Variants in MAP2 observed in about 807,000 individuals in gnomAD.
MAP2 encodes the protein microtubule-associated protein 2.
A neutral mutation model predicts 137.6 loss-of-function variants in MAP2; 14 were observed. That is an observed-to-expected ratio of 0.10 (90% CI 0.07 to 0.16). MAP2 has a LOEUF of 0.16. MAP2 is among the 10% of genes least tolerant of loss of function. MAP2 has a pLI of 1.00. For missense variants in MAP2, 2,088 were observed against 2,191.5 expected, an observed-to-expected ratio of 0.95 and a Z score of 0.94; for synonymous variants, 786 against 782.3, an observed-to-expected ratio of 1.00 and a Z score of -0.08.
intron 13 of MAP2, among the ~76,000 whole-genome samples, chr2:209,712,401 G>T (rs1377223296): frequency 6.6e-6 from 1 of 152,080 alleles, no homozygotes; most frequent in East Asian, 1.9e-4. Flanking sequence ...GTCATTTGAA[G>T]CAAATATGTT....
rs776904106 is a variant in MAP2 at position 209,709,929 on chromosome 2, G to A, written c.4748G>A (p.Arg1583His). 10 of 1,612,868 alleles carry A rather than the reference G, an allele frequency of 6.2e-6. No individual in the cohort carries two copies. The highest frequency in any genetic ancestry group is 3.3e-5 in the Admixed American group (2 of 59,916). The change falls in exon 13 of 16, where the codon CGC becomes CAC. Residue 1583 changes from arginine (R) to histidine (H), a missense_variant. By Grantham distance (29) the Arg-to-His change is conservative. Transcript: ENST00000682079. ...ARRTTRSEPI[R>H]RAGKSGTSTP... ...GTTAATACAGGGTCAGAGCCAATTC[G>A]CAGAGCAGGGAAGAGTGGTACCTCA...
chr2:209,690,477 A>C (rs775657513), intron 7 of MAP2: 1 of 649,996 alleles, frequency 1.5e-6, no homozygotes, highest in Non-Finnish European at 2.2e-6. Flanking sequence ...CAATGGTAAA[A>C]TAAAAAAACA....
In MAP2 at chr2:209,733,400, G is replaced by A. The variant is rs1442047401; in HGVS notation, c.*3003G>A. The A allele has an allele frequency of 6.6e-6, 1 of 152,436 alleles. No homozygotes were observed. The highest frequency in any genetic ancestry group is 1.5e-5 in the Non-Finnish European group (1 of 68,062). 9.4% of individuals were successfully genotyped at this position (152,436 alleles called of 1,614,324 possible). On this transcript the variant is annotated 3_prime_UTR_variant, in exon 16 of 16. Transcript: ENST00000682079. ...GTGTAACACCAGCTAGGTACGGCTG[G>A]AGAAGGCTGAAGAGAGAATGCCATT...
At chr2:209,463,524 T>C (rs2149619301) in intron 1 of MAP2, among the ~76,000 whole-genome samples, 1 of 152,292 alleles carries the variant, frequency 6.6e-6, no homozygotes, top group African/African-American at 2.4e-5. Flanking sequence ...TTTGTAAAAG[T>C]TGAAATCAAG....
At chr2:209,461,564 T>C (rs1321189040) in intron 1 of MAP2, among the ~76,000 whole-genome samples, 2 of 152,104 alleles carry the variant, frequency 1.3e-5, no homozygotes, top group African/African-American at 2.4e-5. Flanking sequence ...CAAGCTATTC[T>C]CCTGCCTCAG....
chr2:209,693,355 C>A lies in MAP2; in HGVS notation c.1185C>A (p.His395Gln), dbSNP rs2059427250. 2 of 1,612,180 alleles carry A rather than the reference C, an allele frequency of 1.2e-6. No homozygotes were observed. The highest frequency in any genetic ancestry group is 1.7e-6 in the Non-Finnish European group (2 of 1,179,600). The change falls in exon 8 of 16, where the codon CAC becomes CAA. Residue 395 changes from histidine (H) to glutamine (Q), a missense_variant. Coordinates refer to ENST00000682079, the MANE Select transcript of MAP2 (RefSeq NM_001375505.1). The stretch of plus-strand genomic sequence containing the variant: ...CAATGACCTTACCCAAAGATGCTCA[C>A]ATTCCAGTTGTAGAAGAACATGTTA... Reference protein sequence around the residue: ...SEAMTLPKDAHIPVVEEHVMG... With the variant: ...SEAMTLPKDAQIPVVEEHVMG...
At chr2:209,444,289 A>T (rs186456551) in intron 1 of MAP2, among the ~76,000 whole-genome samples, 149 of 151,674 alleles carry the variant, frequency 9.8e-4, no homozygotes, top group African/African-American at 3.4e-3. Context: ...CTAGTTCAGT[A>T]TTTCTTGTCT....
At chr2:209,444,560 C>T (rs907606942) in intron 1 of MAP2, among the ~76,000 whole-genome samples, 4 of 151,276 alleles carry the variant, frequency 2.6e-5, no homozygotes, top group African/African-American at 9.7e-5. Flanking sequence ...GAATCAAGAT[C>T]TGAAGTGAAT....
chr2:209,548,169 A>C (rs1377862837), intron 2 of MAP2, among the ~76,000 whole-genome samples: 2 of 152,238 alleles, frequency 1.3e-5, no homozygotes, highest in Non-Finnish European at 2.9e-5. Flanking sequence ...TCCAAGCATC[A>C]GTAGGAAGAT....
chr2:209,481,366 ATCT>A (rs1158297073), intron 1 of MAP2, among the ~76,000 whole-genome samples: 1 of 152,186 alleles, frequency 6.6e-6, no homozygotes, highest in East Asian at 1.9e-4. Context: ...AAGGAAGGCA[ATCT>A]CTGAAGGGGC....
At chr2:209,717,150 G>A (rs1276237681) in intron 13 of MAP2, among the ~76,000 whole-genome samples, 1 of 152,184 alleles carries the variant, frequency 6.6e-6, no homozygotes, top group Non-Finnish European at 1.5e-5. Context: ...CCAAGACTGG[G>A]AAATTTATGA....
intron 5 of MAP2, among the ~76,000 whole-genome samples, chr2:209,676,657 G>C (rs2051665968): frequency 1.4e-5 from 2 of 145,400 alleles, no homozygotes; most frequent in African/African-American, 2.6e-5. Context: ...GCCATAGGAA[G>C]ACACTACAGT....
At chr2:209,551,145 G>A (rs1366985111) in intron 2 of MAP2, among the ~76,000 whole-genome samples, 3 of 152,080 alleles carry the variant, frequency 2.0e-5, no homozygotes, top group East Asian at 3.9e-4. Flanking sequence ...ATAGGGCTAG[G>A]TAGAAAACAT....
intron 4 of MAP2, among the ~76,000 whole-genome samples, chr2:209,640,840 A>C (rs2093965017): frequency 6.7e-6 from 1 of 149,188 alleles, no homozygotes; most frequent in East Asian, 2.0e-4. Context: ...TAATTTTTGA[A>C]TTTATGTTCT....
chr2:209,497,630 C>G (rs2059909203), intron 1 of MAP2, among the ~76,000 whole-genome samples: 1 of 152,146 alleles, frequency 6.6e-6, no homozygotes, highest in South Asian at 2.1e-4. Flanking sequence ...GGGGAGGACT[C>G]AGGGAGCTTT....
In MAP2 at chr2:209,546,022, A is replaced by C. The variant is rs1247179296; in HGVS notation, c.-171-34014A>C. Among the ~76,000 whole-genome samples, 5 of 152,308 alleles carry C rather than the reference A, an allele frequency of 3.3e-5. No individual in the cohort carries two copies. In the East Asian group the frequency reaches 9.7e-4, roughly 29 times the overall value. The stretch of plus-strand genomic sequence containing the variant: ...GCCAGGCGTGGTGGCAGGTACCTGT[A>C]GTCCCAGCTACTTGGGAGGCTGAGG... On this transcript the variant is annotated intron_variant, in intron 2 of 15. Coordinates refer to ENST00000682079, the MANE Select transcript of MAP2 (RefSeq NM_001375505.1).
chr2:209,434,841 A>ATATGTTATATATATGTTATATATATGT (rs1695329721), intron 1 of MAP2, among the ~76,000 whole-genome samples: 1 of 122,934 alleles, frequency 8.1e-6, no homozygotes, highest in African/African-American at 3.4e-5. Flanking sequence ...CTCTATATAT[A>ATATGTTATATATATGTTATATATATGT]TATATATGTT....
intron 1 of MAP2, among the ~76,000 whole-genome samples, chr2:209,479,390 C>T (rs1318642345): frequency 1.3e-5 from 2 of 151,952 alleles, no homozygotes; most frequent in East Asian, 3.9e-4. Context: ...TTACATTAGT[C>T]TATTAATGCA....
At chr2:209,715,675 A>C (rs6742070) in intron 13 of MAP2, among the ~76,000 whole-genome samples, 5,670 of 152,298 alleles carry the variant, frequency 0.037, 264 homozygotes, top group South Asian at 0.22. Flanking sequence ...CAAGGAAGTA[A>C]AGAAGTAAGC....
Sources: gnomAD v4.1 joint callset for allele counts (sites outside exome capture counted in the v4.1 genomes callset) on GRCh38, gnomAD v4.1.1 for gene constraint, MANE v1.5 for transcripts, NCBI Gene and HGNC (gene_info 2026-07-23, HGNC 2026-07-21) for gene names.